CREB3L3: variants seen among roughly 807,000 people sequenced by gnomAD.
CREB3L3 encodes the protein cyclic AMP-responsive element-binding protein 3-like protein 3.
Under a neutral mutation model 44.6 loss-of-function variants are expected in CREB3L3, and 40 were observed. The ratio of observed to expected loss-of-function variants is 0.90; its 90% CI spans 0.70 to 1.17. The LOEUF (loss-of-function observed/expected upper bound fraction) is 1.17, where lower values mean the gene tolerates loss of function less well. Among genes scored for constraint, CREB3L3 ranks in the 50% most tolerant of loss-of-function variants. The pLI is 0.00. For missense variants in CREB3L3, 578 were observed against 595.8 expected (o/e 0.97, Z 0.31); for synonymous variants, 273 against 256.3 (o/e 1.06, Z -0.62).
chr19:4,158,571 G>A lies in CREB3L3; in HGVS notation c.458-1093G>A, dbSNP rs146783876. On this transcript the variant is annotated intron_variant, in intron 3 of 9. Coordinates refer to ENST00000078445, the MANE Select transcript of CREB3L3 (RefSeq NM_032607.3). ...AATCCCAGCACTTTGGGAGGCCGAA[G>A]CGAGCGGATCACGAGGTCAAGAGAT... is the stretch of plus-strand genomic sequence containing the variant. 2.1e-3 allele frequency among the ~76,000 whole-genome samples: 323 copies of A among 152,072 alleles called. 2 individuals carry two copies. Among genetic ancestry groups the A allele is most frequent in the African/African-American group, 7.4e-3 (305 of 41,490 alleles).
intron 5 of CREB3L3, among the ~76,000 whole-genome samples, chr19:4,167,420 AAAAGAAAG>A (rs1343047423): frequency 7.3e-6 from 1 of 137,576 alleles, no homozygotes; most frequent in Non-Finnish European, 1.6e-5. Context: ...GAAAAGAAAG[AAAAGAAAG>A]AAAGAAAGGA....
chr19:4,156,375 C>T (rs1431864412), intron 2 of CREB3L3, among the ~76,000 whole-genome samples: 4 of 150,160 alleles, frequency 2.7e-5, no homozygotes, highest in Non-Finnish European at 5.9e-5. Context: ...TTAGTAGAGA[C>T]GGGGTTTCTC....
intron 4 of CREB3L3, 137 bp downstream of exon 4, chr19:4,159,919 C>CA (rs1229866847): frequency 1.2e-5 from 8 of 665,634 alleles, no homozygotes; most frequent in Non-Finnish European, 1.9e-5. Flanking sequence ...AGTTAGAGAC[C>CA]ATTCCAGTCC....
chr19:4,167,033 C>T (rs1966921697), intron 5 of CREB3L3, among the ~76,000 whole-genome samples: 1 of 152,142 alleles, frequency 6.6e-6, no homozygotes, highest in Non-Finnish European at 1.5e-5. Context: ...CGCGCCCAGC[C>T]TGACATTCCC....
intron 4 of CREB3L3, among the ~76,000 whole-genome samples, chr19:4,162,337 C>T (rs564113972): frequency 6.6e-6 from 1 of 151,956 alleles, no homozygotes; most frequent in Non-Finnish European, 1.5e-5. Flanking sequence ...CAAGGTTTCC[C>T]TCTGTCACCA....
intron 4 of CREB3L3, 40 bp from the exon 5 acceptor site, chr19:4,164,463 G>A (rs368512004): frequency 6.2e-6 from 10 of 1,612,724 alleles, no homozygotes; most frequent in South Asian, 4.4e-5. Context: ...GGCAGTTGGC[G>A]TCCCTGCACC....
intron 5 of CREB3L3, among the ~76,000 whole-genome samples, chr19:4,165,505 C>T (rs773333846): frequency 1.3e-5 from 2 of 151,922 alleles, no homozygotes; most frequent in Non-Finnish European, 2.9e-5. Context: ...GACTGTACTG[C>T]ATTTTATACA....
chr19:4,155,364 CTT>C (rs35228769), intron 2 of CREB3L3, among the ~76,000 whole-genome samples: 13 of 142,360 alleles, frequency 9.1e-5, no homozygotes, highest in Non-Finnish European at 6.1e-5. Context: ...CTTTCTTCTT[CTT>C]TTTTTTTTTT....
chr19:4,153,806 G>C (rs1402631232), intron 1 of CREB3L3, 32 bp downstream of exon 1: 1 of 1,613,364 alleles, frequency 6.2e-7, no homozygotes, highest in Non-Finnish European at 8.5e-7. Flanking sequence ...GGGAGAGCGG[G>C]AGTCTAGGCT....
intron 5 of CREB3L3, among the ~76,000 whole-genome samples, chr19:4,165,060 C>T (rs1305848396): frequency 6.6e-6 from 1 of 152,114 alleles, no homozygotes. Flanking sequence ...GTGTCTGTCA[C>T]CAGAGCCAAA....
In CREB3L3 at chr19:4,154,932, G is replaced by A. The variant is rs577365497; in HGVS notation, c.61G>A (p.Asp21Asn). ...ASAACSMDPI[D>N]SFELLDLLFD... ...TGCTGCCTGCTCCATGGACCCCATC[G>A]ACAGCTTTGAGCTCCTGGATCTCCT... The change falls in exon 2 of 10, where the codon GAC (aspartate) becomes AAC (asparagine). Residue 21 changes from aspartate to asparagine, a missense_variant. By Grantham distance (23) the Asp-to-Asn change is conservative (BLOSUM62 1). Coordinates refer to ENST00000078445, the MANE Select transcript of CREB3L3 (RefSeq NM_032607.3). The A allele has an allele frequency of 1.4e-5, 23 of 1,613,854 alleles. No individual in the cohort carries two copies. Among genetic ancestry groups the A allele is most frequent in the Admixed American group, 1.2e-4 (7 of 60,012 alleles).
intron 5 of CREB3L3, among the ~76,000 whole-genome samples, chr19:4,167,403 A>C (rs948964415): frequency 1.3e-5 from 2 of 150,422 alleles, no homozygotes; most frequent in Non-Finnish European, 3.0e-5. Context: ...GAAAGAAAGA[A>C]AGAAAGGAAA....
In CREB3L3 at chr19:4,156,895, C is replaced by T. The variant is rs34413199; in HGVS notation, c.157-100C>T. ...CTCATCTTGGAGAAGGGAAGGACACCTAAGGCCCAAAGAGGGTCACTGGTT... is the reference window on the plus strand; with the variant it reads ...CTCATCTTGGAGAAGGGAAGGACACTTAAGGCCCAAAGAGGGTCACTGGTT... On this transcript the variant is annotated intron_variant, in intron 2 of 9. Coordinates refer to ENST00000078445, the MANE Select transcript of CREB3L3 (RefSeq NM_032607.3). 3 of 1,270,670 alleles carry T rather than the reference C, an allele frequency of 2.4e-6. No individual in the cohort carries two copies. In the African/African-American group the frequency reaches 4.4e-5, roughly 19 times the overall value. 78.7% of individuals were successfully genotyped at this position (1,270,670 alleles called of 1,614,324 possible).
At chr19:4,159,083 G>C (rs1038400928) in intron 3 of CREB3L3, among the ~76,000 whole-genome samples, 1 of 151,920 alleles carries the variant, frequency 6.6e-6, no homozygotes, top group Non-Finnish European at 1.5e-5. Context: ...GGTGTCTCCT[G>C]ACAATGTCCT....
In CREB3L3 at chr19:4,159,679, G is replaced by GAGGA. The variant is rs776187420; in HGVS notation, c.478_481dup (p.Ile161LysfsTer5). 3 of 1,558,034 alleles carry GAGGA rather than the reference G, an allele frequency of 1.9e-6. No individual in the cohort carries two copies. Among genetic ancestry groups the GAGGA allele is most frequent in the Non-Finnish European group, 2.7e-6 (3 of 1,128,946 alleles). On this transcript the variant is annotated frameshift_variant, in exon 4 of 10. Transcript: ENST00000078445. LOFTEE classifies it high-confidence loss of function. ...CCCTGGTCAGAAATGTGGAGCCCAG[G>GAGGA]AGGAAGGATCTGTGCTGAGAAGCCG... is the stretch of plus-strand genomic sequence containing the variant.
intron 3 of CREB3L3, among the ~76,000 whole-genome samples, chr19:4,157,703 T>C (rs988479921): frequency 6.6e-6 from 1 of 152,032 alleles, no homozygotes; most frequent in Non-Finnish European, 1.5e-5. Flanking sequence ...TTTTATTTTT[T>C]GAGACAGAGT....
intron 3 of CREB3L3, among the ~76,000 whole-genome samples, chr19:4,158,290 G>C (rs917942487): frequency 2.0e-5 from 3 of 151,802 alleles, no homozygotes; most frequent in African/African-American, 7.3e-5. Context: ...TTGAGGTTAG[G>C]ACTTCAAGAC....
Position 4,164,563 on chromosome 19 carries a change from C to G in CREB3L3, c.637C>G (p.Leu213Val), listed in dbSNP as rs776751506. 4 of 1,614,120 alleles carry G rather than the reference C, an allele frequency of 2.5e-6. No individual in the cohort carries two copies. The highest frequency in any genetic ancestry group is 1.1e-5 in the South Asian group (1 of 91,086). ...ACCTGGGGCTGGGCACTGTCAGGAG[C>G]TGGTGCTCACCGAGGATGAGAAGAA... ...LRPGAGHCQE[L>V]VLTEDEKKLL... Residue 213 changes from leucine to valine, a missense_variant, in exon 5 of 10, where the codon CTG becomes GTG. Transcript: ENST00000078445.
intron 5 of CREB3L3, among the ~76,000 whole-genome samples, 163 bp from the exon 6 acceptor site, chr19:4,168,188 G>A (rs529341093): frequency 2.0e-5 from 3 of 151,518 alleles, no homozygotes; most frequent in East Asian, 1.9e-4. Flanking sequence ...TAGTAGAGAC[G>A]GTGTTTCACC....
Sources: gnomAD v4.1 joint callset for allele counts (sites outside exome capture counted in the v4.1 genomes callset) on GRCh38, gnomAD v4.1.1 for gene constraint, MANE v1.5 for transcripts, NCBI Gene and HGNC (gene_info 2026-07-23, HGNC 2026-07-21) for gene names.